The following TMEM94 variants were observed in gnomAD, a reference collection of about 807,000 sequenced individuals.
TMEM94 encodes the protein ER Mg2+ ATPase.
Under a neutral mutation model 158.6 loss-of-function variants are expected in TMEM94, and 81 were observed. That is an observed-to-expected ratio of 0.51 (90% CI 0.43 to 0.61). The LOEUF is 0.61. Among genes scored for constraint, TMEM94 ranks in the 20% least tolerant of loss-of-function variants. TMEM94 has a pLI of 0.00. For missense variants in TMEM94, 1,435 were observed against 1,762.0 expected, an observed-to-expected ratio of 0.81 and a Z score of 3.32; for synonymous variants, 751 against 730.7, an observed-to-expected ratio of 1.03 and a Z score of -0.45.
At chr17:75,464,153 T>G (rs1310357437) in intron 1 of TMEM94, among the ~76,000 whole-genome samples, 2 of 152,184 alleles carry the variant, frequency 1.3e-5, no homozygotes, top group African/African-American at 4.8e-5. Flanking sequence ...TCCACCCCTT[T>G]GTCTTCATGG....
rs1376634389 is a variant in TMEM94 at position 75,495,933 on chromosome 17, C to T, written c.2945-33C>T. On this transcript the variant is annotated intron_variant, in intron 22 of 31. Transcript: ENST00000314256. The surrounding 1 kb of genome is among the most constrained non-coding windows in gnomAD (Gnocchi z 5.6). Reference sequence around the variant, plus strand: ...CAGTGCCCACTTGGTGCTCTGCCTGCCTGACTCTGGTGCCCTTATACGCTG... The same window carrying T: ...CAGTGCCCACTTGGTGCTCTGCCTGTCTGACTCTGGTGCCCTTATACGCTG... The T allele has an allele frequency of 1.3e-6, 2 of 1,514,312 alleles. No homozygotes were observed. The highest frequency in any genetic ancestry group is 1.8e-6 in the Non-Finnish European group (2 of 1,093,624). 93.8% of individuals were successfully genotyped at this position (1,514,312 alleles called of 1,614,324 possible).
intron 2 of TMEM94, among the ~76,000 whole-genome samples, chr17:75,474,670 A>G (rs1298669537): frequency 6.6e-6 from 1 of 152,052 alleles, no homozygotes; most frequent in Non-Finnish European, 1.5e-5. Context: ...AAAACAAAAA[A>G]CCAAAAACAG....
chr17:75,464,620 T>TTTCTTTCC (rs1567906728), intron 1 of TMEM94, among the ~76,000 whole-genome samples: 1 of 89,414 alleles, frequency 1.1e-5, no homozygotes, highest in Admixed American at 1.3e-4. Flanking sequence ...CCTTTCTTTC[T>TTTCTTTCC]TTCCTTCCTT....
chr17:75,481,389 G>C (rs913374294), intron 2 of TMEM94, among the ~76,000 whole-genome samples: 1 of 152,250 alleles, frequency 6.6e-6, no homozygotes, highest in East Asian at 1.9e-4. Flanking sequence ...TGTGGAGAGC[G>C]GGATTAGGTG....
At chr17:75,479,102 C>G (rs1383780362) in intron 2 of TMEM94, among the ~76,000 whole-genome samples, 1 of 152,198 alleles carries the variant, frequency 6.6e-6, no homozygotes, top group East Asian at 1.9e-4. Context: ...CCCACCAACC[C>G]ATTCTGAACT....
chr17:75,493,728 C>T lies in TMEM94; in HGVS notation c.2219C>T (p.Ala740Val). The T allele has an allele frequency of 6.2e-7, 1 of 1,614,104 alleles. No individual in the cohort carries two copies. The highest frequency in any genetic ancestry group is 8.5e-7 in the Non-Finnish European group (1 of 1,180,026). ...RKKVLDFYQR[A>V]CLSGYCSAFA... The stretch of plus-strand genomic sequence containing the variant: ...AAAGTGCTGGACTTCTACCAGCGAG[C>T]CTGCCTGTCTGGGTATTGCTCTGCC... The change falls in exon 18 of 32, where the codon GCC becomes GTC. Residue 740 changes from alanine to valine, a missense_variant. Ala to Val is a moderately conservative substitution (Grantham distance 64). This residue lies in a region of TMEM94 where 1,051 missense variants were observed against 1,254.4 expected (regional missense o/e 0.84). Coordinates refer to ENST00000314256, the MANE Select transcript of TMEM94 (RefSeq NM_014738.6).
In TMEM94 at chr17:75,493,596, G is replaced by A. The variant is rs1484264271; in HGVS notation, c.2189+3G>A. 1 of 1,613,782 alleles carries A rather than the reference G, an allele frequency of 6.2e-7. No individual in the cohort carries two copies. Among genetic ancestry groups the A allele is most frequent in the Admixed American group, 1.7e-5 (1 of 60,008 alleles). On this transcript the variant is annotated splice_donor_region_variant and intron_variant, in intron 17 of 31. Coordinates refer to ENST00000314256, the MANE Select transcript of TMEM94 (RefSeq NM_014738.6). ...TACCCTCTCTCGGGATCTGACAGGT[G>A]GGTGAGGAAGCACATGCCAGCAGCA...
chr17:75,498,118 A>G lies in TMEM94; in HGVS notation c.3490-57A>G. 1 of 1,603,654 alleles carries G rather than the reference A, an allele frequency of 6.2e-7. No individual in the cohort carries two copies. The highest frequency in any genetic ancestry group is 8.5e-7 in the Non-Finnish European group (1 of 1,173,652). ...AGCCCGTTGAATACGTGGAAGAGCT[A>G]GGAGCAGCCGGCAGAGGGGCTGTGC... On this transcript the variant is annotated intron_variant, in intron 27 of 31. Coordinates refer to ENST00000314256, the MANE Select transcript of TMEM94 (RefSeq NM_014738.6). The surrounding 1 kb of genome is among the most constrained non-coding windows in gnomAD (Gnocchi z 6.7).
chr17:75,484,918 A>G (rs2051463327), intron 2 of TMEM94, among the ~76,000 whole-genome samples: 2 of 151,826 alleles, frequency 1.3e-5, no homozygotes, highest in African/African-American at 4.8e-5. Context: ...TGTGCCTGTA[A>G]TCCCAGCTAC....
chr17:75,498,146 C>T lies in TMEM94; in HGVS notation c.3490-29C>T, dbSNP rs758434950. On this transcript the variant is annotated intron_variant, in intron 27 of 31. Transcript: ENST00000314256. This position sits in a 1 kb window ranked among gnomAD's most constrained non-coding sequence, Gnocchi z 6.7. ...AGCAGCCGGCAGAGGGGCTGTGCGC[C>T]CCAGGAGTGACTGGCCTTGTTCCCG... The T allele has an allele frequency of 1.4e-5, 22 of 1,612,764 alleles. No homozygotes were observed. Among genetic ancestry groups the T allele is most frequent in the Non-Finnish European group, 9.3e-6 (11 of 1,179,522 alleles).
At position 75,492,738 on chromosome 17, in the gene TMEM94, G is replaced by A. The variant is rs374436256; in HGVS notation, c.1861G>A (p.Val621Met). ...CGCCCTGCAAGAGAGCCACAGCGCCGTGCTGCCCGTCCATGTGCCCTGGGG... is the reference window on the plus strand; with the variant it reads ...CGCCCTGCAAGAGAGCCACAGCGCCATGCTGCCCGTCCATGTGCCCTGGGG... ...NIALQESHSA[V>M]LPVHVPWGLC... Residue 621 changes from valine (V) to methionine (M), a missense_variant, in exon 15 of 32, where the codon GTG (valine) becomes ATG (methionine). Val to Met is a conservative substitution (Grantham distance 21). This residue lies in a region of TMEM94 where 1,051 missense variants were observed against 1,254.4 expected (regional missense o/e 0.84). Coordinates refer to ENST00000314256, the MANE Select transcript of TMEM94 (RefSeq NM_014738.6). The surrounding 1 kb of genome is among the most constrained non-coding windows in gnomAD (Gnocchi z 4.4). The A allele has an allele frequency of 9.3e-6, 15 of 1,609,860 alleles. No individual in the cohort carries two copies. Among genetic ancestry groups the A allele is most frequent in the East Asian group, 2.2e-5 (1 of 44,896 alleles).
In TMEM94 at chr17:75,491,797, A is replaced by G; in HGVS notation, c.1493A>G (p.Glu498Gly). 1 of 1,614,042 alleles carries G rather than the reference A, an allele frequency of 6.2e-7. No homozygotes were observed. The highest frequency in any genetic ancestry group is 1.3e-5 in the African/African-American group (1 of 75,058). The change falls in exon 14 of 32, where the codon GAG becomes GGG. Residue 498 changes from glutamate (E) to glycine (G), a missense_variant. By Grantham distance (98) the Glu-to-Gly change is moderately conservative (BLOSUM62 -2). Transcript: ENST00000314256. This position sits in a 1 kb window ranked among gnomAD's most constrained non-coding sequence, Gnocchi z 5.1. Reference protein sequence around the residue: ...DWPGEAPKPPEPYSHHKAHGR... With the variant: ...DWPGEAPKPPGPYSHHKAHGR... ...CCTGGCGAGGCTCCCAAGCCCCCCG[A>G]GCCCTATTCACACCACAAAGCGCAT...
In TMEM94 at chr17:75,494,719, C is replaced by G; in HGVS notation, c.2500C>G (p.Arg834Gly). The G allele has an allele frequency of 6.2e-7, 1 of 1,613,748 alleles. No homozygotes were observed. The highest frequency in any genetic ancestry group is 8.5e-7 in the Non-Finnish European group (1 of 1,180,032). ...CATGGTGTCCTCCCAGTACCAGGCC[C>G]GGCTGGACATCGTGCGCCTCATTGA... ...MGMVSSQYQARLDIVRLIDGL... is the reference protein window; with the variant it reads ...MGMVSSQYQAGLDIVRLIDGL... Residue 834 changes from arginine to glycine, a missense_variant, in exon 19 of 32, where the codon CGG (arginine) becomes GGG (glycine). By Grantham distance (125) the Arg-to-Gly change is moderately radical. Around this residue, in one of 3 missense-constraint regions of TMEM94, gnomAD observed 1,051 missense variants for 1,254.4 expected, o/e 0.84. Transcript: ENST00000314256.
rs533976866 is a variant in TMEM94 at position 75,489,342 on chromosome 17, C to T, written c.841C>T (p.Leu281=). 48 of 1,614,146 alleles carry T rather than the reference C, an allele frequency of 3.0e-5. 2 individuals are homozygous for T. In the South Asian group the frequency reaches 5.2e-4, roughly 17 times the overall value. ...GCGGTTCACAGTGCAGTCGGTGATG[C>T]TACACTATGCTGTGCCCGTGGTCCT... ...NERFTVQSVM[L]HYAVPVVLAG... The change falls in exon 8 of 32, where the codon CTA becomes TTA. Residue 281 remains leucine (L), a synonymous_variant. Transcript: ENST00000314256. This position sits in a 1 kb window ranked among gnomAD's most constrained non-coding sequence, Gnocchi z 5.0.
intron 25 of TMEM94, 34 bp downstream of exon 25, chr17:75,496,841 G>C: frequency 6.3e-7 from 1 of 1,596,192 alleles, no homozygotes; most frequent in African/African-American, 1.3e-5. Flanking sequence ...TTGCCCCCGT[G>C]CCACTCACCC....
intron 2 of TMEM94, among the ~76,000 whole-genome samples, chr17:75,474,229 G>C (rs528848428): frequency 6.6e-6 from 1 of 152,096 alleles, no homozygotes; most frequent in Admixed American, 6.5e-5. Context: ...TCTCAGCCAG[G>C]TGCAGTGGCT....
At position 75,499,270 on chromosome 17, in the gene TMEM94, T is replaced by A; in HGVS notation, c.4007T>A (p.Val1336Asp). The A allele has an allele frequency of 6.2e-7, 1 of 1,613,610 alleles. No homozygotes were observed. Among genetic ancestry groups the A allele is most frequent in the Non-Finnish European group, 8.5e-7 (1 of 1,179,956 alleles). ...ATCTCCTGCCCCACCAGGGTCCGAG[T>A]CCGCTACCAGAAGCGACAGAAGCTG... is the stretch of plus-strand genomic sequence containing the variant. The part of the protein sequence containing the change: ...IVKLHEIRVR[V>D]RYQKRQKLQF... Residue 1336 changes from valine to aspartate, a missense_variant, in exon 32 of 32, where the codon GTC becomes GAC. Physicochemically the swap from Val to Asp is radical, Grantham distance 152. Transcript: ENST00000314256.
chr17:75,462,420 G>C (rs550997394), intron 1 of TMEM94, among the ~76,000 whole-genome samples: 1 of 151,880 alleles, frequency 6.6e-6, no homozygotes, highest in Non-Finnish European at 1.5e-5. Flanking sequence ...TTCTCTCAGG[G>C]TTAGAATTGT....
chr17:75,497,829 A>G lies in TMEM94; in HGVS notation c.3456A>G (p.Ala1152=). Residue 1152 remains alanine, a synonymous_variant, in exon 27 of 32, where the codon GCA becomes GCG. Coordinates refer to ENST00000314256, the MANE Select transcript of TMEM94 (RefSeq NM_014738.6). The stretch of plus-strand genomic sequence containing the variant: ...CCCATAGCTCCATCATGTCTATGGC[A>G]ACGGGGAAAAACCTCCAGTCCATTC... ...KPPHSSIMSM[A]TGKNLQSIPK... is the part of the protein sequence containing the mutation. 1 of 1,613,960 alleles carries G rather than the reference A, an allele frequency of 6.2e-7. No homozygotes were observed. Among genetic ancestry groups the G allele is most frequent in the Non-Finnish European group, 8.5e-7 (1 of 1,179,968 alleles).
Sources: gnomAD v4.1 joint callset for allele counts (sites outside exome capture counted in the v4.1 genomes callset) on GRCh38, gnomAD v4.1.1 for gene constraint, gnomAD v4.1.1 regional missense constraint, Gnocchi (gnomAD v3.1) non-coding constraint, MANE v1.5 for transcripts, NCBI Gene and HGNC (gene_info 2026-07-23, HGNC 2026-07-21) for gene names.